SLC4A4: variants seen among roughly 807,000 people sequenced by gnomAD.
SLC4A4 encodes solute carrier family 4 member 4, also known as electrogenic sodium bicarbonate cotransporter 1.
SLC4A4 carries 27 observed loss-of-function variants against 111.5 expected under a neutral mutation model. That is an observed-to-expected ratio of 0.24 (90% CI 0.18 to 0.33). The LOEUF is 0.33. Ranked by LOEUF, SLC4A4 falls within the 10% of genes least tolerant of loss-of-function variation. SLC4A4 has a pLI of 1.00. For synonymous variants in SLC4A4, 443 were observed against 463.4 expected (o/e 0.96, Z 0.57); for missense variants, 909 against 1,315.5 (o/e 0.69, Z 4.78).
At chr4:71,247,434 A>G (rs1291798981) in intron 2 of SLC4A4, among the ~76,000 whole-genome samples, 4 of 151,858 alleles carry the variant, frequency 2.6e-5, no homozygotes, top group Admixed American at 1.3e-4. Context: ...TTACCTGTCT[A>G]TAGCAACCAA....
intron 5 of SLC4A4, among the ~76,000 whole-genome samples, chr4:71,351,602 C>A (rs1448889025): frequency 6.6e-6 from 1 of 152,148 alleles, no homozygotes; most frequent in Non-Finnish European, 1.5e-5. Context: ...TGCCTGTAAT[C>A]CCAGCACTTT....
chr4:71,440,318 G>A (rs889478028), intron 7 of SLC4A4, among the ~76,000 whole-genome samples: 4 of 152,130 alleles, frequency 2.6e-5, no homozygotes, highest in Non-Finnish European at 4.4e-5. Flanking sequence ...TTTTCGTTGA[G>A]TGAATGAATA....
At chr4:71,317,352 T>C (rs1445180150) in intron 3 of SLC4A4, among the ~76,000 whole-genome samples, 1 of 152,086 alleles carries the variant, frequency 6.6e-6, no homozygotes, top group African/African-American at 2.4e-5. Flanking sequence ...AAGTTAGAAC[T>C]GACAAATTTA....
At chr4:71,262,375 C>G (rs1721923316) in intron 3 of SLC4A4, among the ~76,000 whole-genome samples, 3 of 152,202 alleles carry the variant, frequency 2.0e-5, no homozygotes. Flanking sequence ...TGACCACAAT[C>G]TGGAGGCAGG....
intron 6 of SLC4A4, among the ~76,000 whole-genome samples, chr4:71,389,592 T>C (rs1719078103): frequency 6.6e-6 from 1 of 152,244 alleles, no homozygotes; most frequent in Admixed American, 6.5e-5. Flanking sequence ...CTTTCAGTTC[T>C]GTTAGTTCTG....
At chr4:71,532,712 C>T (rs1472691841) in intron 17 of SLC4A4, among the ~76,000 whole-genome samples, 2 of 152,004 alleles carry the variant, frequency 1.3e-5, no homozygotes, top group East Asian at 3.9e-4. Context: ...CACTATATTA[C>T]CCAGTCTGGT....
intron 1 of SLC4A4, among the ~76,000 whole-genome samples, chr4:71,220,661 G>T (rs1718688662): frequency 6.6e-6 from 1 of 151,876 alleles, no homozygotes; most frequent in Non-Finnish European, 1.5e-5. Context: ...TGTCTTATGG[G>T]TGTCTTTTTT....
In SLC4A4 at chr4:71,547,716, T is replaced by G; in HGVS notation, c.2690T>G (p.Leu897Trp). Residue 897 changes from leucine to tryptophan, a missense_variant, in exon 20 of 26, where the codon TTG becomes TGG. Coordinates refer to ENST00000264485, the MANE Select transcript of SLC4A4 (RefSeq NM_001098484.3). ...CTGTCAGTCTTTATGGCTCCCATCT[T>G]GAAGGTAAATATGTGAAACATTCAC... is the stretch of plus-strand genomic sequence containing the variant. ...TGLSVFMAPI[L>W]KFIPMPVLYG... 6.2e-7 allele frequency: 1 copy of G among 1,610,442 alleles called. No individual in the cohort carries two copies. Among genetic ancestry groups the G allele is most frequent in the Non-Finnish European group, 8.5e-7 (1 of 1,177,188 alleles).
intron 21 of SLC4A4, among the ~76,000 whole-genome samples, chr4:71,556,036 C>T (rs1736454447): frequency 1.3e-5 from 2 of 151,958 alleles, no homozygotes; most frequent in Non-Finnish European, 2.9e-5. Flanking sequence ...GAAAAGACTG[C>T]ATGTCCTGTG....
chr4:71,521,681 G>A (rs546075694), intron 16 of SLC4A4, among the ~76,000 whole-genome samples: 8 of 152,190 alleles, frequency 5.3e-5, no homozygotes, highest in African/African-American at 1.9e-4. Context: ...CAGAAGATGT[G>A]GTGTCCCAGA....
chr4:71,293,445 C>G (rs1008119796), intron 3 of SLC4A4, among the ~76,000 whole-genome samples: 14 of 151,680 alleles, frequency 9.2e-5, no homozygotes, highest in Non-Finnish European at 2.1e-4. Context: ...CACCTGTAGT[C>G]CTAGCTACTT....
chr4:71,222,124 G>A (rs1718780185), intron 1 of SLC4A4, among the ~76,000 whole-genome samples: 1 of 152,150 alleles, frequency 6.6e-6, no homozygotes, highest in Non-Finnish European at 1.5e-5. Flanking sequence ...AAGCACTAAA[G>A]CCCTTCATAC....
intron 1 of SLC4A4, among the ~76,000 whole-genome samples, chr4:71,066,479 G>A (rs1170576738): frequency 1.3e-5 from 2 of 152,098 alleles, no homozygotes; most frequent in Non-Finnish European, 2.9e-5. Context: ...GGATTTAAAG[G>A]TGTAGCCCTT....
intron 7 of SLC4A4, among the ~76,000 whole-genome samples, chr4:71,421,162 C>CA (rs1459312744): frequency 2.0e-5 from 3 of 150,636 alleles, no homozygotes; most frequent in South Asian, 4.3e-4. Flanking sequence ...AAATGGAAAA[C>CA]AAAAAAAGGT....
intron 1 of SLC4A4, among the ~76,000 whole-genome samples, chr4:71,206,314 G>C (rs1717762147): frequency 6.6e-6 from 1 of 152,128 alleles, no homozygotes; most frequent in African/African-American, 2.4e-5. Context: ...TTTGAGGTGT[G>C]AGTGTTCAAT....
intron 16 of SLC4A4, among the ~76,000 whole-genome samples, chr4:71,513,217 T>A (rs1418961933): frequency 6.6e-6 from 1 of 152,174 alleles, no homozygotes; most frequent in Non-Finnish European, 1.5e-5. Context: ...ATCTGCAGAC[T>A]GCTTTGTACA....
chr4:71,335,771 G>A (rs191423424), intron 3 of SLC4A4, among the ~76,000 whole-genome samples: 38 of 152,002 alleles, frequency 2.5e-4, no homozygotes, highest in African/African-American at 7.2e-4. Flanking sequence ...CTTGCAGTGA[G>A]CTGAGTTAGC....
chr4:71,216,205 A>G (rs1718424357), intron 1 of SLC4A4, among the ~76,000 whole-genome samples: 1 of 152,212 alleles, frequency 6.6e-6, no homozygotes, highest in South Asian at 2.1e-4. Context: ...CACAACTCCC[A>G]GCTATCATTT....
chr4:71,176,238 A>G (rs963382769), intron 2 of SLC4A4, among the ~76,000 whole-genome samples: 17 of 152,194 alleles, frequency 1.1e-4, no homozygotes, highest in African/African-American at 3.4e-4. Context: ...AAAAAACAGA[A>G]CAGAAACACT....
Sources: gnomAD v4.1 joint callset for allele counts (sites outside exome capture counted in the v4.1 genomes callset) on GRCh38, gnomAD v4.1.1 for gene constraint, MANE v1.5 for transcripts, NCBI Gene and HGNC (gene_info 2026-07-23, HGNC 2026-07-21) for gene names.